TRHDE: variants seen among roughly 807,000 people sequenced by gnomAD.
The protein encoded by TRHDE is thyrotropin-releasing hormone-degrading ectoenzyme.
In TRHDE, 72 loss-of-function variants were observed where a neutral mutation model predicts 125.7. The observed-to-expected ratio is 0.57, with a 90% CI of 0.47 to 0.70. The LOEUF is 0.70. Among genes scored for constraint, TRHDE ranks in the 30% least tolerant of loss-of-function variants. The pLI is 0.00. For synonymous variants in TRHDE, 509 were observed against 509.1 expected (o/e 1.00, Z 0.00); for missense variants, 1,110 against 1,327.1 (o/e 0.84, Z 2.54).
At chr12:72,616,636 C>A (rs1322910345) in intron 12 of TRHDE, among the ~76,000 whole-genome samples, 1 of 151,998 alleles carries the variant, frequency 6.6e-6, no homozygotes, top group Non-Finnish European at 1.5e-5. Flanking sequence ...AAATAAAACA[C>A]AATAAATTAT....
chr12:72,169,349 G>T (rs942353006), intron 2 of TRHDE, among the ~76,000 whole-genome samples: 9 of 152,104 alleles, frequency 5.9e-5, no homozygotes, highest in Non-Finnish European at 1.0e-4. Context: ...ATTATTGTTA[G>T]TCTGCCTAGA....
intron 2 of TRHDE, among the ~76,000 whole-genome samples, chr12:72,244,553 T>TA (rs34831156): frequency 0.22 from 34,152 of 151,918 alleles, 4,592 homozygotes; most frequent in South Asian, 0.33. Flanking sequence ...ATACTAATTT[T>TA]AAATATATTT....
intron 5 of TRHDE, among the ~76,000 whole-genome samples, chr12:72,476,432 C>T (rs73344500): frequency 0.016 from 2,430 of 152,224 alleles, 65 homozygotes; most frequent in African/African-American, 0.054. Context: ...TCTGCCAGCA[C>T]GAATTTTCAT....
intron 2 of TRHDE, among the ~76,000 whole-genome samples, chr12:72,183,562 T>A (rs1877139564): frequency 6.6e-6 from 1 of 152,180 alleles, no homozygotes; most frequent in Admixed American, 6.5e-5. Flanking sequence ...CATATGACAT[T>A]TTCATTTTTT....
At chr12:72,527,234 G>A (rs1364214086) in intron 6 of TRHDE, among the ~76,000 whole-genome samples, 1 of 152,058 alleles carries the variant, frequency 6.6e-6, no homozygotes, top group African/African-American at 2.4e-5. Flanking sequence ...CTAATGGTAT[G>A]GCAAGTATGT....
intron 2 of TRHDE, among the ~76,000 whole-genome samples, chr12:72,368,598 T>G (rs1217524189): frequency 2.0e-5 from 3 of 152,124 alleles, no homozygotes; most frequent in Admixed American, 6.6e-5. Flanking sequence ...TCTCCCCCAG[T>G]GGACTACAAG....
intron 10 of TRHDE, 40 bp from the exon 11 acceptor site, chr12:72,575,215 T>C (rs757042197): frequency 6.2e-7 from 1 of 1,600,206 alleles, no homozygotes; most frequent in Non-Finnish European, 8.5e-7. Flanking sequence ...TCATTTTAAC[T>C]CTTAAAGTTT....
At chr12:72,405,345 A>G (rs774206908) in intron 3 of TRHDE, among the ~76,000 whole-genome samples, 2 of 152,112 alleles carry the variant, frequency 1.3e-5, no homozygotes, top group Admixed American at 6.5e-5. Context: ...ATTTAAATGG[A>G]TCTCTCCATA....
At position 72,665,339 on chromosome 12, in the gene TRHDE, T is replaced by A. The variant is rs1875076048; in HGVS notation, c.*2144T>A. On this transcript the variant is annotated 3_prime_UTR_variant, in exon 19 of 19. Transcript: ENST00000261180. Reference sequence around the variant, plus strand: ...GTTAATAATCATAATCCTTTTTCAGTATTTTAGTGGCCTTGAACAACTGGT... The same window carrying A: ...GTTAATAATCATAATCCTTTTTCAGAATTTTAGTGGCCTTGAACAACTGGT... 1 of 152,508 alleles carries A rather than the reference T, an allele frequency of 6.6e-6. No individual in the cohort carries two copies. The highest frequency in any genetic ancestry group is 1.5e-5 in the Non-Finnish European group (1 of 67,982). The allele number at this position is 152,508 out of a possible 1,614,324, so 9.4% of individuals were successfully genotyped here.
At position 72,636,640 on chromosome 12, in the gene TRHDE, C is replaced by T. The variant is rs184094885; in HGVS notation, c.2675+14889C>T. ...ATTCAGTATGATATTGGCTATGGGT[C>T]TGTCATAGATAGCTCTTATTATTTT... On this transcript the variant is annotated intron_variant, in intron 15 of 18. Transcript: ENST00000261180. Among the ~76,000 whole-genome samples the T allele has an allele frequency of 1.9e-3, 290 of 152,204 alleles. 2 individuals are homozygous for T. The highest frequency in any genetic ancestry group is 6.5e-3 in the African/African-American group (269 of 41,524).
intron 2 of TRHDE, among the ~76,000 whole-genome samples, chr12:72,118,723 T>C (rs987131569): frequency 2.0e-5 from 3 of 152,174 alleles, no homozygotes; most frequent in African/African-American, 7.2e-5. Flanking sequence ...GCTTTGCTCT[T>C]GTTACTCGTT....
intron 2 of TRHDE, among the ~76,000 whole-genome samples, chr12:72,158,974 T>C (rs1201714324): frequency 1.3e-5 from 2 of 152,236 alleles, no homozygotes; most frequent in African/African-American, 4.8e-5. Flanking sequence ...TCTTCTGCCT[T>C]AAATGCCATT....
chr12:72,641,912 A>G (rs561421640), intron 15 of TRHDE, among the ~76,000 whole-genome samples: 15 of 151,906 alleles, frequency 9.9e-5, no homozygotes, highest in Non-Finnish European at 2.1e-4. Context: ...CTAACCCCCA[A>G]TATGATAGTA....
chr12:72,500,849 C>CTTTTT (rs11314911), intron 6 of TRHDE, among the ~76,000 whole-genome samples: 9 of 109,336 alleles, frequency 8.2e-5, no homozygotes, highest in African/African-American at 1.0e-4. Context: ...CAACTTTGTT[C>CTTTTT]TTTTTTTTTT....
intron 2 of TRHDE, among the ~76,000 whole-genome samples, chr12:72,295,615 A>G (rs1880267583): frequency 6.6e-6 from 1 of 152,184 alleles, no homozygotes; most frequent in Non-Finnish European, 1.5e-5. Context: ...AGGAAAGTAC[A>G]AGACATATAC....
intron 6 of TRHDE, among the ~76,000 whole-genome samples, chr12:72,515,008 G>A (rs1456018434): frequency 1.4e-5 from 2 of 147,526 alleles, no homozygotes; most frequent in Admixed American, 1.4e-4. Flanking sequence ...TGGTGTATAT[G>A]TGCCACATTT....
chr12:72,240,152 C>A (rs1214904514), intron 2 of TRHDE, among the ~76,000 whole-genome samples: 1 of 151,642 alleles, frequency 6.6e-6, no homozygotes, highest in Non-Finnish European at 1.5e-5. Flanking sequence ...TTTCTTTCAC[C>A]TTTTTTCATT....
At chr12:72,170,082 G>C (rs560619362) in intron 2 of TRHDE, among the ~76,000 whole-genome samples, 10 of 152,260 alleles carry the variant, frequency 6.6e-5, no homozygotes, top group Admixed American at 3.3e-4. Flanking sequence ...CGACCAGAAC[G>C]TATCGTCTTG....
intron 2 of TRHDE, among the ~76,000 whole-genome samples, chr12:72,160,532 C>T (rs77419563): frequency 0.051 from 7,783 of 151,948 alleles, 420 homozygotes; most frequent in Admixed American, 0.15. Flanking sequence ...ACTAAAAATA[C>T]AAAAAAATTA....
Sources: allele counts gnomAD v4.1 joint callset (sites outside exome capture counted in the v4.1 genomes callset), GRCh38; gene constraint gnomAD v4.1.1; transcripts MANE v1.5; gene names NCBI Gene and HGNC (gene_info 2026-07-23, HGNC 2026-07-21).